ASPH: variants seen among roughly 807,000 people sequenced by gnomAD.
The protein encoded by ASPH is aspartyl/asparaginyl beta-hydroxylase.
Under a neutral mutation model 118.4 loss-of-function variants are expected in ASPH, and 100 were observed. That is an observed-to-expected ratio of 0.84 (90% confidence interval 0.72 to 1.00). ASPH has a LOEUF of 1.00. ASPH is among the 50% of genes least tolerant of loss of function. The probability of loss-of-function intolerance (pLI) is 0.00; values close to 1 mark genes in which losing one functional copy is unlikely to be tolerated. For missense variants in ASPH, 920 were observed against 919.5 expected, an observed-to-expected ratio of 1.00 and a Z score of -0.01; for synonymous variants, 315 against 325.6, an observed-to-expected ratio of 0.97 and a Z score of 0.35.
chr8:61,574,283 A>G (rs1383847603), intron 16 of ASPH, among the ~76,000 whole-genome samples: 1 of 152,266 alleles, frequency 6.6e-6, no homozygotes, highest in Non-Finnish European at 1.5e-5. Flanking sequence ...TGTGGAAGAC[A>G]GTGTGGTAAT....
At chr8:61,510,388 G>T (rs531444120) in intron 24 of ASPH, among the ~76,000 whole-genome samples, 22 of 152,248 alleles carry the variant, frequency 1.4e-4, no homozygotes, top group Non-Finnish European at 5.9e-5. Context: ...AGCTCAGGAT[G>T]CATTTTTTCC....
chr8:61,635,374 A>AT (rs971181428), intron 12 of ASPH, among the ~76,000 whole-genome samples: 59 of 152,122 alleles, frequency 3.9e-4, no homozygotes, highest in African/African-American at 1.2e-3. Context: ...GTTTCCATGG[A>AT]TTTAATACCA....
In ASPH at chr8:61,546,139, G is replaced by A. The variant is rs551430613; in HGVS notation, c.1764+1932C>T. Among the ~76,000 whole-genome samples the A allele has an allele frequency of 5.4e-4, 83 of 152,308 alleles. 1 individual carries two copies. In the South Asian group the frequency reaches 0.011, roughly 19 times the overall value. ...TGTCACTCTCTCCCCCTCTCTTCCAGTGGCTGCTGGCAGCCATCCTGCAGT... is the reference window on the plus strand; with the variant it reads ...TGTCACTCTCTCCCCCTCTCTTCCAATGGCTGCTGGCAGCCATCCTGCAGT... On this transcript the variant is annotated intron_variant, in intron 21 of 24. Coordinates refer to ENST00000379454, the MANE Select transcript of ASPH (RefSeq NM_004318.4).
At chr8:61,553,961 G>T (rs185094278) in intron 19 of ASPH, among the ~76,000 whole-genome samples, 166 of 152,352 alleles carry the variant, frequency 1.1e-3, no homozygotes, top group African/African-American at 3.7e-3. Flanking sequence ...CTGCACGATA[G>T]AATGGGAAAG....
At position 61,681,472 on chromosome 8, in the gene ASPH, C is replaced by A. The variant is rs189532019; in HGVS notation, c.254-436G>T. On this transcript the variant is annotated intron_variant, in intron 2 of 24. Transcript: ENST00000379454. ...TCAATATCTGAACCAAAAGAAACAA[C>A]CAAGCCTCAAATAAAGACCAAATGT... Among the ~76,000 whole-genome samples, 332 of 151,702 alleles carry A rather than the reference C, an allele frequency of 2.2e-3. 1 individual carries two copies. The highest frequency in any genetic ancestry group is 6.1e-3 in the African/African-American group (254 of 41,470).
At chr8:61,606,164 G>A (rs1006560608) in intron 14 of ASPH, among the ~76,000 whole-genome samples, 5 of 152,186 alleles carry the variant, frequency 3.3e-5, no homozygotes, top group African/African-American at 7.2e-5. Context: ...AGGCAAAGAC[G>A]CAGTATGAAT....
intron 18 of ASPH, among the ~76,000 whole-genome samples, chr8:61,562,496 T>C (rs532816606): frequency 6.6e-6 from 1 of 151,902 alleles, no homozygotes; most frequent in South Asian, 2.1e-4. Flanking sequence ...AAGATAAATA[T>C]GAAGTTTTAA....
At position 61,622,617 on chromosome 8, in the gene ASPH, T is replaced by C. The variant is rs142349169; in HGVS notation, c.935-3598A>G. On this transcript the variant is annotated intron_variant, in intron 13 of 24. Coordinates refer to ENST00000379454, the MANE Select transcript of ASPH (RefSeq NM_004318.4). ...CTACTAGCACTTCCTTAGCTCATGCTGTATCACCATCACCTATTACTAGTT... is the reference window on the plus strand; with the variant it reads ...CTACTAGCACTTCCTTAGCTCATGCCGTATCACCATCACCTATTACTAGTT... Among the ~76,000 whole-genome samples, 305 of 152,348 alleles carry C rather than the reference T, an allele frequency of 2.0e-3. 1 individual carries two copies. Among genetic ancestry groups the C allele is most frequent in the African/African-American group, 6.9e-3 (287 of 41,592 alleles).
At chr8:61,706,950 A>G (rs1214033685) in intron 1 of ASPH, among the ~76,000 whole-genome samples, 1 of 152,220 alleles carries the variant, frequency 6.6e-6, no homozygotes, top group Non-Finnish European at 1.5e-5. Flanking sequence ...ATCCCTAATA[A>G]CAAAATATAC....
chr8:61,567,751 C>CT (rs2131728019), intron 16 of ASPH, among the ~76,000 whole-genome samples: 1 of 152,298 alleles, frequency 6.6e-6, no homozygotes, highest in African/African-American at 2.4e-5. Flanking sequence ...TGACAAAGCC[C>CT]TTTTTGCTTC....
At chr8:61,604,170 T>C (rs1036795936) in intron 14 of ASPH, among the ~76,000 whole-genome samples, 5 of 152,200 alleles carry the variant, frequency 3.3e-5, no homozygotes, top group Admixed American at 2.0e-4. Flanking sequence ...TGAGTGAGCA[T>C]ATGAATCCTG....
chr8:61,543,439 A>C (rs1307587353), intron 21 of ASPH, among the ~76,000 whole-genome samples: 2 of 151,920 alleles, frequency 1.3e-5, no homozygotes, highest in African/African-American at 2.4e-5. Flanking sequence ...GTACTTTATG[A>C]CTCCAGATTA....
At chr8:61,537,177 G>A (rs551430731) in intron 21 of ASPH, among the ~76,000 whole-genome samples, 2 of 152,272 alleles carry the variant, frequency 1.3e-5, no homozygotes, top group East Asian at 3.9e-4. Context: ...AGTCAGAGAA[G>A]GTAAAGGGAA....
chr8:61,501,929 C>A lies in ASPH; in HGVS notation c.*1430G>T, dbSNP rs1266508819. ...TCTACCTGTGAATGAACTTTGGTGA[C>A]CTATATGTGCCATTCATGCAGCATT... is the stretch of plus-strand genomic sequence containing the variant. On this transcript the variant is annotated 3_prime_UTR_variant, in exon 25 of 25. Transcript: ENST00000379454. 1 of 152,128 alleles carries A rather than the reference C, an allele frequency of 6.6e-6. No individual in the cohort carries two copies. Among genetic ancestry groups the A allele is most frequent in the African/African-American group, 2.4e-5 (1 of 41,430 alleles). 9.4% of individuals were successfully genotyped at this position (152,128 alleles called of 1,614,324 possible). A position where few individuals can be genotyped will look rare whatever the true frequency, so the allele number is the denominator to read the frequency against.
At chr8:61,651,007 T>C (rs185381081) in intron 5 of ASPH, 43 bp downstream of exon 5, 5 of 1,545,690 alleles carry the variant, frequency 3.2e-6, no homozygotes, top group Middle Eastern at 1.7e-4. Context: ...TAACTAAGCG[T>C]TATTTTAGTA....
At chr8:61,697,683 G>A (rs1834254728) in intron 1 of ASPH, among the ~76,000 whole-genome samples, 1 of 152,220 alleles carries the variant, frequency 6.6e-6, no homozygotes. Context: ...TATTACACAG[G>A]ATGCAGATGA....
In ASPH at chr8:61,585,389, T is replaced by C. The variant is rs112456117; in HGVS notation, c.977-1360A>G. On this transcript the variant is annotated intron_variant, in intron 14 of 24. Transcript: ENST00000379454. Reference sequence around the variant, plus strand: ...AGGGAAGGGGGCAAAGCGGGAGGGATAGAGACGAATTAAAACAATCAGAAG... The same window carrying C: ...AGGGAAGGGGGCAAAGCGGGAGGGACAGAGACGAATTAAAACAATCAGAAG... Among the ~76,000 whole-genome samples, 1,084 of 152,224 alleles carry C rather than the reference T, an allele frequency of 7.1e-3. 10 individuals carry two copies. The highest frequency in any genetic ancestry group is 0.024 in the African/African-American group (996 of 41,538).
intron 18 of ASPH, among the ~76,000 whole-genome samples, chr8:61,559,862 C>T (rs1829172164): frequency 6.6e-6 from 1 of 152,086 alleles, no homozygotes; most frequent in Non-Finnish European, 1.5e-5. Flanking sequence ...TTGAAGACCA[C>T]TGCTGCAGGA....
chr8:61,666,034 A>G (rs1375205802), intron 3 of ASPH, among the ~76,000 whole-genome samples: 1 of 152,190 alleles, frequency 6.6e-6, no homozygotes, highest in East Asian at 1.9e-4. Flanking sequence ...GCTCAAAAAC[A>G]TATGTCCTTA....
Sources: allele counts gnomAD v4.1 joint callset (sites outside exome capture counted in the v4.1 genomes callset), GRCh38; gene constraint gnomAD v4.1.1; transcripts MANE v1.5; gene names NCBI Gene and HGNC (gene_info 2026-07-23, HGNC 2026-07-21).